HSF2BP: variants seen among roughly 807,000 people sequenced by gnomAD.
HSF2BP encodes the protein heat shock transcription factor 2 binding protein.
In HSF2BP, 35 loss-of-function variants were observed where a neutral mutation model predicts 35.0. That is an observed-to-expected ratio of 1.00 (90% confidence interval 0.76 to 1.32). HSF2BP has a LOEUF of 1.32. HSF2BP is among the 40% of genes most tolerant of loss of function. The pLI, the probability that HSF2BP is intolerant of heterozygous loss-of-function variation, is 0.00. For missense variants in HSF2BP, 326 were observed against 321.7 expected (o/e 1.01, Z -0.10); for synonymous variants, 114 against 117.4 (o/e 0.97, Z 0.18).
chr21:43,652,740 A>C (rs2838337), intron 3 of HSF2BP, among the ~76,000 whole-genome samples: 102,468 of 152,050 alleles, frequency 0.67, 35,053 homozygotes, highest in East Asian at 0.79. Flanking sequence ...GCCACAGTAA[A>C]CCTCCTGGAA....
intron 8 of HSF2BP, among the ~76,000 whole-genome samples, chr21:43,577,452 C>T (rs1568880252): frequency 6.6e-6 from 1 of 152,134 alleles, no homozygotes; most frequent in Non-Finnish European, 1.5e-5. Context: ...TTTCTTAAAA[C>T]GAGAAGTCCA....
intron 6 of HSF2BP, among the ~76,000 whole-genome samples, chr21:43,629,537 C>T (rs1016030950): frequency 6.6e-6 from 1 of 152,156 alleles, no homozygotes; most frequent in African/African-American, 2.4e-5. Context: ...TGCACTCCAG[C>T]CTGGGCAACA....
rs1401765084 is a variant in HSF2BP at position 43,644,363 on chromosome 21, G to A, written c.217C>T (p.Gln73Ter). 1.2e-6 allele frequency: 2 copies of A among 1,613,910 alleles called. No homozygotes were observed. Among genetic ancestry groups the A allele is most frequent in the Non-Finnish European group, 1.7e-6 (2 of 1,179,922 alleles). ...NLERKEQELE[Q>*]LKMDCEHFKA... ...AAGTGCTCACAATCCATTTTCAGCT[G>A]CTCTAATTCTTGCTCTTTCCTTTCC... Residue 73 changes from glutamine (Q) to a stop codon, truncating the protein, a stop_gained, in exon 4 of 9, where the codon CAG becomes TAG. Coordinates refer to ENST00000291560, the MANE Select transcript of HSF2BP (RefSeq NM_007031.2). LOFTEE classifies it high-confidence loss of function.
In HSF2BP at chr21:43,613,845, C is replaced by G; in HGVS notation, c.677G>C (p.Cys226Ser). The G allele has an allele frequency of 1.2e-6, 2 of 1,611,764 alleles. No homozygotes were observed. Among genetic ancestry groups the G allele is most frequent in the Non-Finnish European group, 1.7e-6 (2 of 1,177,884 alleles). ...QLLGDLKPGQ[C>S]TKLKVLMLMS... ...TCCACCATACACTTTGAGTTTGGTA[C>G]ACTGTCCTGGCTTCAAGTCTCCCAG... Residue 226 changes from cysteine (C) to serine (S), a missense_variant, in exon 7 of 9, where the codon TGT (cysteine) becomes TCT (serine). Coordinates refer to ENST00000291560, the MANE Select transcript of HSF2BP (RefSeq NM_007031.2).
At chr21:43,626,606 T>G (rs552906693) in intron 6 of HSF2BP, among the ~76,000 whole-genome samples, 61 of 152,352 alleles carry the variant, frequency 4.0e-4, no homozygotes, top group African/African-American at 1.4e-3. Flanking sequence ...GAAAATGTTC[T>G]AATCCTGCTG....
At chr21:43,624,914 C>T (rs865921410) in intron 6 of HSF2BP, among the ~76,000 whole-genome samples, 30 of 152,034 alleles carry the variant, frequency 2.0e-4, no homozygotes, top group South Asian at 2.1e-4. Context: ...TCATTTACTA[C>T]GGTTCAGTAG....
chr21:43,603,586 A>G (rs2082077665), intron 7 of HSF2BP, among the ~76,000 whole-genome samples: 1 of 152,166 alleles, frequency 6.6e-6, no homozygotes. Flanking sequence ...GCTGATGGGA[A>G]TGGGGAAAAT....
the HSF2BP span, among the ~76,000 whole-genome samples, chr21:43,468,134 C>CG: frequency 7.1e-6 from 1 of 140,320 alleles, no homozygotes; most frequent in African/African-American, 2.8e-5. Flanking sequence ...ACCACACACA[C>CG]CACACACACC....
intron 7 of HSF2BP, among the ~76,000 whole-genome samples, chr21:43,605,470 C>A (rs2082122750): frequency 6.9e-6 from 1 of 145,224 alleles, no homozygotes; most frequent in Non-Finnish European, 1.5e-5. Context: ...GCCCACACAC[C>A]CCCACACGCC....
chr21:43,593,452 T>C (rs2081950925), intron 7 of HSF2BP, among the ~76,000 whole-genome samples: 2 of 151,896 alleles, frequency 1.3e-5, no homozygotes, highest in South Asian at 4.1e-4. Flanking sequence ...ATATGACGCA[T>C]GAGAAAAAGA....
At chr21:43,640,571 T>C (rs947201878) in intron 4 of HSF2BP, among the ~76,000 whole-genome samples, 9 of 152,204 alleles carry the variant, frequency 5.9e-5, no homozygotes, top group African/African-American at 1.7e-4. Flanking sequence ...ATTGATGAAA[T>C]ACAAAGAAGT....
At chr21:43,654,573 C>T (rs971600333) in intron 3 of HSF2BP, among the ~76,000 whole-genome samples, 2 of 152,100 alleles carry the variant, frequency 1.3e-5, no homozygotes, top group African/African-American at 4.8e-5. Flanking sequence ...GTATGGTCTT[C>T]CTCACTGCAA....
chr21:43,597,190 G>A lies in HSF2BP; in HGVS notation c.693-4862C>T, dbSNP rs1471597422. 1.3e-5 allele frequency among the ~76,000 whole-genome samples: 2 copies of A among 152,220 alleles called. No homozygotes were observed. The highest frequency in any genetic ancestry group is 1.3e-4 in the Admixed American group (2 of 15,284). The stretch of plus-strand genomic sequence containing the variant: ...GGAGAGCTGCAAGGCAGAGGAATGA[G>A]GCACAGCTCTGCTGCAGACCACATC... On this transcript the variant is annotated intron_variant, in intron 7 of 8. Coordinates refer to ENST00000291560, the MANE Select transcript of HSF2BP (RefSeq NM_007031.2). The surrounding 1 kb of genome is among the most constrained non-coding windows in gnomAD (Gnocchi z 4.3).
intron 3 of HSF2BP, among the ~76,000 whole-genome samples, chr21:43,654,966 T>C (rs2082846096): frequency 1.3e-5 from 2 of 152,178 alleles, no homozygotes; most frequent in African/African-American, 4.8e-5. Context: ...GGTGACTCTA[T>C]AGCCTGGGAA....
chr21:43,507,282 T>C, the HSF2BP span, among the ~76,000 whole-genome samples: 2 of 112,486 alleles, frequency 1.8e-5, 1 homozygote, highest in South Asian at 5.7e-4. Context: ...TAGTGAGCTT[T>C]ATCTCTCCCT....
At chr21:43,611,116 T>A (rs1407448128) in intron 7 of HSF2BP, among the ~76,000 whole-genome samples, 6 of 152,116 alleles carry the variant, frequency 3.9e-5, no homozygotes, top group Non-Finnish European at 8.8e-5. Context: ...CATGGTGGCA[T>A]GCACTGACGG....
rs553271533 is a variant in HSF2BP at position 43,597,568 on chromosome 21, T to C, written c.693-5240A>G. Among the ~76,000 whole-genome samples the C allele has an allele frequency of 5.8e-4, 88 of 152,360 alleles. No homozygotes were observed. The highest frequency in any genetic ancestry group is 2.0e-3 in the African/African-American group (85 of 41,584). ...TAGGGTCTCACTTTGTCACTCAGGC[T>C]GGAATGCAGTGGCACAGTCATTATT... On this transcript the variant is annotated intron_variant, in intron 7 of 8. Coordinates refer to ENST00000291560, the MANE Select transcript of HSF2BP (RefSeq NM_007031.2). This position sits in a 1 kb window ranked among gnomAD's most constrained non-coding sequence, Gnocchi z 4.3.
chr21:43,632,890 T>TGC (rs2082500628), intron 5 of HSF2BP, among the ~76,000 whole-genome samples: 1 of 151,240 alleles, frequency 6.6e-6, no homozygotes, highest in Non-Finnish European at 1.5e-5. Flanking sequence ...TGTGTGTGTG[T>TGC]GTATGTATAA....
chr21:43,584,655 A>G (rs927996777), intron 8 of HSF2BP, among the ~76,000 whole-genome samples: 2 of 152,218 alleles, frequency 1.3e-5, no homozygotes, highest in African/African-American at 4.8e-5. Flanking sequence ...AAAAGCTTCA[A>G]ACCTGCATGA....
Sources: allele counts gnomAD v4.1 joint callset (sites outside exome capture counted in the v4.1 genomes callset), GRCh38; gene constraint gnomAD v4.1.1; non-coding constraint Gnocchi (gnomAD v3.1); transcripts MANE v1.5; gene names NCBI Gene and HGNC (gene_info 2026-07-23, HGNC 2026-07-21).